The following ZNF750 variants were observed in gnomAD, a reference collection of about 807,000 sequenced individuals.
ZNF750 encodes the protein protein ZNF750.
ZNF750 carries 10 observed loss-of-function variants against 31.6 expected under a neutral mutation model. That is an observed-to-expected ratio of 0.32 (90% CI 0.19 to 0.54). The LOEUF (loss-of-function observed/expected upper bound fraction) is 0.54, where lower values mean the gene tolerates loss of function less well. Ranked by LOEUF, ZNF750 falls within the 20% of genes least tolerant of loss-of-function variation. The pLI, the probability that ZNF750 is intolerant of heterozygous loss-of-function variation, is 0.95. For synonymous variants in ZNF750, 400 were observed against 404.9 expected (o/e 0.99, Z 0.15); for missense variants, 914 against 934.9 (o/e 0.98, Z 0.29).
Position 82,831,765 on chromosome 17 carries a change from G to A in ZNF750, c.690C>T (p.Ala230=). 1 of 1,614,178 alleles carries A rather than the reference G, an allele frequency of 6.2e-7. No homozygotes were observed. The highest frequency in any genetic ancestry group is 8.5e-7 in the Non-Finnish European group (1 of 1,180,026). Residue 230 remains alanine, a synonymous_variant, in exon 2 of 3, where the codon GCC becomes GCT. Transcript: ENST00000269394. The surrounding 1 kb of genome is among the most constrained non-coding windows in gnomAD (Gnocchi z 4.6). ...TTGTGGGGTGCATGTAAGGGGAAATGGCCCCAAGCCCCTTTGTAGATGAGA... is the reference window on the plus strand; with the variant it reads ...TTGTGGGGTGCATGTAAGGGGAAATAGCCCCAAGCCCCTTTGTAGATGAGA... ...HKISSTKGLG[A]ISPYMHPTIP...
intron 1 of ZNF750, among the ~76,000 whole-genome samples, chr17:82,836,548 C>A (rs1016082132): frequency 2.0e-5 from 3 of 152,156 alleles, no homozygotes; most frequent in African/African-American, 7.2e-5. Context: ...GTTTTCGAAG[C>A]CGCATTATTT....
chr17:82,831,448 G>A lies in ZNF750; in HGVS notation c.1007C>T (p.Pro336Leu), dbSNP rs1440648990. The change falls in exon 2 of 3, where the codon CCA becomes CTA. Residue 336 changes from proline (P) to leucine (L), a missense_variant. Transcript: ENST00000269394. This position sits in a 1 kb window ranked among gnomAD's most constrained non-coding sequence, Gnocchi z 4.6. ...SAFSSYGLRLPPVTGLTRDQS... is the reference protein window; with the variant it reads ...SAFSSYGLRLLPVTGLTRDQS... ...ATCTCGGGTGAGGCCAGTGACAGGTGGGAGTCTGAGACCATAGGAGGAAAA... is the reference window on the plus strand; with the variant it reads ...ATCTCGGGTGAGGCCAGTGACAGGTAGGAGTCTGAGACCATAGGAGGAAAA... The A allele has an allele frequency of 6.2e-7, 1 of 1,614,174 alleles. No homozygotes were observed. Among genetic ancestry groups the A allele is most frequent in the Non-Finnish European group, 8.5e-7 (1 of 1,180,022 alleles).
In ZNF750 at chr17:82,831,151, T is replaced by G. The variant is rs1224082122; in HGVS notation, c.1304A>C (p.Asn435Thr). 14 of 1,613,956 alleles carry G rather than the reference T, an allele frequency of 8.7e-6. No individual in the cohort carries two copies. Among genetic ancestry groups the G allele is most frequent in the Non-Finnish European group, 1.2e-5 (14 of 1,180,014 alleles). ...QTCEGLYDLS[N>T]KAASSALGRL... ...TCCCAGTGCGCTGGAGGCTGCCTTG[T>G]TGGAGAGGTCGTACAGGCCTTCGCA... The change falls in exon 2 of 3, where the codon AAC (asparagine) becomes ACC (threonine). Residue 435 changes from asparagine to threonine, a missense_variant. Physicochemically the swap from Asn to Thr is moderately conservative, Grantham distance 65 (BLOSUM62 0). Around this residue, in one of 2 missense-constraint regions of ZNF750, gnomAD observed 880 missense variants for 868.9 expected, o/e 1.01. Coordinates refer to ENST00000269394, the MANE Select transcript of ZNF750 (RefSeq NM_024702.3). The surrounding 1 kb of genome is among the most constrained non-coding windows in gnomAD (Gnocchi z 4.6).
rs1358399787 is a variant in ZNF750 at position 82,832,546 on chromosome 17, C to T, written c.-92G>A. Reference sequence around the variant, plus strand: ...TCGTGGTTTCTAAAGAGGCACCTCCCGCTTTGCTTTCTTTCCCGATCACTT... The same window carrying T: ...TCGTGGTTTCTAAAGAGGCACCTCCTGCTTTGCTTTCTTTCCCGATCACTT... On this transcript the variant is annotated 5_prime_UTR_variant, in exon 2 of 3. Coordinates refer to ENST00000269394, the MANE Select transcript of ZNF750 (RefSeq NM_024702.3). The surrounding 1 kb of genome is among the most constrained non-coding windows in gnomAD (Gnocchi z 4.9). 52 of 1,168,044 alleles carry T rather than the reference C, an allele frequency of 4.5e-5. No homozygotes were observed. The highest frequency in any genetic ancestry group is 3.8e-4 in the South Asian group (30 of 79,636). The allele number at this position is 1,168,044 out of a possible 1,614,324, so 72.4% of individuals were successfully genotyped here. A position where few individuals can be genotyped will look rare whatever the true frequency, so the allele number is the denominator to read the frequency against.
rs777214905 is a variant in ZNF750, at chr17:82,831,466, G to A, written c.989C>T (p.Ser330Phe). The A allele has an allele frequency of 4.3e-6, 7 of 1,614,092 alleles. No individual in the cohort carries two copies. The highest frequency in any genetic ancestry group is 5.9e-6 in the Non-Finnish European group (7 of 1,180,042). Residue 330 changes from serine to phenylalanine, a missense_variant, in exon 2 of 3, where the codon TCC (serine) becomes TTC (phenylalanine). This residue lies in a region of ZNF750 where 880 missense variants were observed against 868.9 expected (regional missense o/e 1.01). Coordinates refer to ENST00000269394, the MANE Select transcript of ZNF750 (RefSeq NM_024702.3). The surrounding 1 kb of genome is among the most constrained non-coding windows in gnomAD (Gnocchi z 4.6). ...GFYRPESAFSSYGLRLPPVTG... is the reference protein window; with the variant it reads ...GFYRPESAFSFYGLRLPPVTG... ...GACAGGTGGGAGTCTGAGACCATAG[G>A]AGGAAAATGCAGACTCTGGCCTGTA... is the stretch of plus-strand genomic sequence containing the variant.
Position 82,831,731 on chromosome 17 carries a change from A to T in ZNF750, c.724T>A (p.Tyr242Asn), listed in dbSNP as rs2053532815. The part of the protein sequence containing the change: ...SPYMHPTIPE[Y>N]PPHFYTEHGL... ...TGCTCTGTGTAAAAGTGAGGCGGGT[A>T]CTCTGGGATTGTGGGGTGCATGTAA... Residue 242 changes from tyrosine to asparagine, a missense_variant, in exon 2 of 3, where the codon TAC becomes AAC. Coordinates refer to ENST00000269394, the MANE Select transcript of ZNF750 (RefSeq NM_024702.3). The surrounding 1 kb of genome is among the most constrained non-coding windows in gnomAD (Gnocchi z 4.6). 1.9e-6 allele frequency: 3 copies of T among 1,613,864 alleles called. No individual in the cohort carries two copies. The highest frequency in any genetic ancestry group is 1.1e-5 in the South Asian group (1 of 91,080).
At position 82,833,232 on chromosome 17, in the gene ZNF750, C is replaced by T. The variant is rs773975104; in HGVS notation, c.-182-596G>A. 1.5e-4 allele frequency among the ~76,000 whole-genome samples: 23 copies of T among 152,230 alleles called. No homozygotes were observed. The highest frequency in any genetic ancestry group is 5.8e-4 in the East Asian group (3 of 5,160). ...CTGGCCACCGTCTACTTGCTCCTAC[C>T]TGCTGGCTGGGAGCTCTCCCAAGTG... is the stretch of plus-strand genomic sequence containing the variant. On this transcript the variant is annotated intron_variant, in intron 1 of 2. Transcript: ENST00000269394. This position sits in a 1 kb window ranked among gnomAD's most constrained non-coding sequence, Gnocchi z 4.7.
chr17:82,835,433 C>A lies in ZNF750; in HGVS notation c.-182-2797G>T, dbSNP rs934681232. Among the ~76,000 whole-genome samples, 1 of 147,048 alleles carries A rather than the reference C, an allele frequency of 6.8e-6. No homozygotes were observed. Among genetic ancestry groups the A allele is most frequent in the East Asian group, 2.0e-4 (1 of 5,036 alleles). On this transcript the variant is annotated intron_variant, in intron 1 of 2. Coordinates refer to ENST00000269394, the MANE Select transcript of ZNF750 (RefSeq NM_024702.3). The surrounding 1 kb of genome is among the most constrained non-coding windows in gnomAD (Gnocchi z 4.5). ...TTTATTCATATTTCTTTCTTTCTTT[C>A]TTTTTTGAGACGGAGTTTTGGTCTT...
chr17:82,832,109 C>T lies in ZNF750; in HGVS notation c.346G>A (p.Glu116Lys), dbSNP rs775394896. ...SAREDIKENLELQARGTHRCL... is the reference protein window; with the variant it reads ...SAREDIKENLKLQARGTHRCL... ...CTGTGGGTTCCCCGGGCTTGCAGCT[C>T]CAGGTTTTCCTTGATGTCTTCCCTG... The change falls in exon 2 of 3, where the codon GAG becomes AAG. Residue 116 changes from glutamate (E) to lysine (K), a missense_variant. Coordinates refer to ENST00000269394, the MANE Select transcript of ZNF750 (RefSeq NM_024702.3). The surrounding 1 kb of genome is among the most constrained non-coding windows in gnomAD (Gnocchi z 4.9). The T allele has an allele frequency of 1.2e-6, 2 of 1,614,204 alleles. No homozygotes were observed. Among genetic ancestry groups the T allele is most frequent in the Admixed American group, 1.7e-5 (1 of 60,022 alleles).
At chr17:82,838,864 C>T (rs925490240) in intron 1 of ZNF750, 7 of 985,302 alleles carry the variant, frequency 7.1e-6, no homozygotes, top group Non-Finnish European at 7.2e-6. Flanking sequence ...ACTTTACAGT[C>T]GCCGCCTCAT....
rs1489261022 is a variant in ZNF750, at chr17:82,830,400, C to T, written c.1914G>A (p.Leu638=). ...EEQKQTAAVA[L]CQLAAYSPRN... is the part of the protein sequence containing the mutation. ...TGGGGCTGTAGGCCGCCAGCTGGCA[C>T]AGGGCCACGGCTGCCGTCTGCTTCT... The change falls in exon 3 of 3, where the codon CTG becomes CTA. Residue 638 remains leucine (L), a synonymous_variant. Coordinates refer to ENST00000269394, the MANE Select transcript of ZNF750 (RefSeq NM_024702.3). 1 of 1,611,846 alleles carries T rather than the reference C, an allele frequency of 6.2e-7. No individual in the cohort carries two copies. Among genetic ancestry groups the T allele is most frequent in the Non-Finnish European group, 8.5e-7 (1 of 1,179,978 alleles).
Position 82,832,151 on chromosome 17 carries a change from G to C in ZNF750, c.304C>G (p.Leu102Val), listed in dbSNP as rs757909766. The C allele has an allele frequency of 5.6e-6, 9 of 1,614,140 alleles. No individual in the cohort carries two copies. In the African/African-American group the frequency reaches 1.1e-4, roughly 19 times the overall value. The change falls in exon 2 of 3, where the codon CTT becomes GTT. Residue 102 changes from leucine (L) to valine (V), a missense_variant. By Grantham distance (32) the Leu-to-Val change is conservative (BLOSUM62 1). Coordinates refer to ENST00000269394, the MANE Select transcript of ZNF750 (RefSeq NM_024702.3). This position sits in a 1 kb window ranked among gnomAD's most constrained non-coding sequence, Gnocchi z 4.9. Reference sequence around the variant, plus strand: ...TCTTCCCTGGCAGAGCTGTGCTGAAGCTTCGAGTCGAAGGCAGAGAGTCCA... The same window carrying C: ...TCTTCCCTGGCAGAGCTGTGCTGAACCTTCGAGTCGAAGGCAGAGAGTCCA... ...ANGLSAFDSK[L>V]QHSSAREDIK...
rs759704231 is a variant in ZNF750 at position 82,830,681 on chromosome 17, C to T, written c.1633G>A (p.Glu545Lys). The T allele has an allele frequency of 1.2e-6, 2 of 1,613,970 alleles. No individual in the cohort carries two copies. The highest frequency in any genetic ancestry group is 2.7e-5 in the African/African-American group (2 of 74,910). Residue 545 changes from glutamate (E) to lysine (K), a missense_variant, in exon 3 of 3, where the codon GAG (glutamate) becomes AAG (lysine). This residue lies in a region of ZNF750 where 880 missense variants were observed against 868.9 expected (regional missense o/e 1.01). Coordinates refer to ENST00000269394, the MANE Select transcript of ZNF750 (RefSeq NM_024702.3). Reference sequence around the variant, plus strand: ...AGATTGAGTGGAAGGTCCTGCAGCTCTGAGAAGCTGGCGGTTTCCGCCTGG... The same window carrying T: ...AGATTGAGTGGAAGGTCCTGCAGCTTTGAGAAGCTGGCGGTTTCCGCCTGG... ...SPQAETASFS[E>K]LQDLPLNLSV...
rs912971659 is a variant in ZNF750 at position 82,830,483 on chromosome 17, G to C, written c.1831C>G (p.Pro611Ala). ...PGSLDGDGAP[P>A]TGPGEEAPDA... is the part of the protein sequence containing the mutation. ...GGAGCCTCCTCGCCGGGGCCTGTGGGTGGGGCCCCGTCACCGTCGAGGCTG... is the reference window on the plus strand; with the variant it reads ...GGAGCCTCCTCGCCGGGGCCTGTGGCTGGGGCCCCGTCACCGTCGAGGCTG... Residue 611 changes from proline (P) to alanine (A), a missense_variant, in exon 3 of 3, where the codon CCC becomes GCC. By Grantham distance (27) the Pro-to-Ala change is conservative (BLOSUM62 -1). Around this residue, in one of 2 missense-constraint regions of ZNF750, gnomAD observed 880 missense variants for 868.9 expected, o/e 1.01. Transcript: ENST00000269394. 6.2e-7 allele frequency: 1 copy of C among 1,613,222 alleles called. No individual in the cohort carries two copies. The highest frequency in any genetic ancestry group is 1.3e-5 in the African/African-American group (1 of 74,948).
chr17:82,831,928 G>T lies in ZNF750; in HGVS notation c.527C>A (p.Ala176Asp), dbSNP rs768666262. ...TAAAGCCAGTGTCTCGGGCGCCTCG[G>T]CGTTGTCTGGCCCCTTGAGTCTGTG... ...GEHRLKGPDNAEAPETLALHN... is the reference protein window; with the variant it reads ...GEHRLKGPDNDEAPETLALHN... The change falls in exon 2 of 3, where the codon GCC becomes GAC. Residue 176 changes from alanine (A) to aspartate (D), a missense_variant. Around this residue, in one of 2 missense-constraint regions of ZNF750, gnomAD observed 880 missense variants for 868.9 expected, o/e 1.01. Coordinates refer to ENST00000269394, the MANE Select transcript of ZNF750 (RefSeq NM_024702.3). The surrounding 1 kb of genome is among the most constrained non-coding windows in gnomAD (Gnocchi z 4.6). 6.2e-7 allele frequency: 1 copy of T among 1,614,226 alleles called. No homozygotes were observed. The highest frequency in any genetic ancestry group is 2.2e-5 in the East Asian group (1 of 44,878).
intron 1 of ZNF750, 32 bp downstream of exon 1, chr17:82,839,895 C>T (rs1449329301): frequency 6.6e-6 from 1 of 152,286 alleles, no homozygotes; most frequent in Non-Finnish European, 1.5e-5. Context: ...TAAAATAAAA[C>T]TTGAATTTGA....
At chr17:82,839,040 T>C (rs906504738) in intron 1 of ZNF750, 4 of 922,410 alleles carry the variant, frequency 4.3e-6, no homozygotes, top group South Asian at 5.0e-5. Flanking sequence ...TGTGTCTATA[T>C]GTACAGAAGA....
In ZNF750 at chr17:82,829,905, C is replaced by G. The variant is rs1220212437; in HGVS notation, c.*237G>C. Reference sequence around the variant, plus strand: ...CTTAGACTTGAAAATACATATCAGTCTTAGAGTCATTCAGGTGTTTTTACA... The same window carrying G: ...CTTAGACTTGAAAATACATATCAGTGTTAGAGTCATTCAGGTGTTTTTACA... On this transcript the variant is annotated 3_prime_UTR_variant, in exon 3 of 3. Coordinates refer to ENST00000269394, the MANE Select transcript of ZNF750 (RefSeq NM_024702.3). The G allele has an allele frequency of 1.6e-6, 1 of 622,384 alleles. No homozygotes were observed. The highest frequency in any genetic ancestry group is 2.8e-6 in the Non-Finnish European group (1 of 362,310). 38.6% of individuals were successfully genotyped at this position (622,384 alleles called of 1,614,324 possible). A position where few individuals can be genotyped will look rare whatever the true frequency, so the allele number is the denominator to read the frequency against.
intron 1 of ZNF750, chr17:82,838,866 C>G: frequency 1.0e-6 from 1 of 985,426 alleles, no homozygotes; most frequent in Non-Finnish European, 1.2e-6. Flanking sequence ...TTTACAGTCG[C>G]CGCCTCATCC....
Sources: gnomAD v4.1 joint callset for allele counts (sites outside exome capture counted in the v4.1 genomes callset) on GRCh38, gnomAD v4.1.1 for gene constraint, gnomAD v4.1.1 regional missense constraint, Gnocchi (gnomAD v3.1) non-coding constraint, MANE v1.5 for transcripts, NCBI Gene and HGNC (gene_info 2026-07-23, HGNC 2026-07-21) for gene names.